NCOR1: variants seen among roughly 807,000 people sequenced by gnomAD.
The protein encoded by NCOR1 is protein phosphatase 1, regulatory subunit 109.
In NCOR1, 63 loss-of-function variants were observed where a neutral mutation model predicts 288.1. The observed-to-expected ratio is 0.22, with a 90% CI of 0.18 to 0.27. The LOEUF (loss-of-function observed/expected upper bound fraction) is 0.27. Ranked by LOEUF, NCOR1 falls within the 10% of genes least tolerant of loss-of-function variation. The pLI is 1.00. For synonymous variants in NCOR1, 1,007 were observed against 1,065.9 expected, an observed-to-expected ratio of 0.94 and a Z score of 1.08; for missense variants, 2,397 against 3,019.2, an observed-to-expected ratio of 0.79 and a Z score of 4.83.
intron 18 of NCOR1, among the ~76,000 whole-genome samples, chr17:16,113,296 C>T (rs1436915251): frequency 1.3e-5 from 2 of 152,084 alleles, no homozygotes; most frequent in Non-Finnish European, 2.9e-5. Flanking sequence ...CAACCTTCCC[C>T]TTTTGGAAAT....
intron 35 of NCOR1, among the ~76,000 whole-genome samples, chr17:16,063,077 A>G (rs2060709989): frequency 6.6e-6 from 1 of 152,132 alleles, no homozygotes; most frequent in South Asian, 2.1e-4. Flanking sequence ...ATGTTTTAGC[A>G]CACACCCCTC....
At chr17:16,142,672 A>G (rs1437809185) in intron 11 of NCOR1, among the ~76,000 whole-genome samples, 2 of 152,244 alleles carry the variant, frequency 1.3e-5, no homozygotes, top group East Asian at 1.9e-4. Flanking sequence ...ACTTTAGCTG[A>G]TCATAAATAT....
intron 5 of NCOR1, among the ~76,000 whole-genome samples, chr17:16,159,733 CAAGTATA>C (rs937283109): frequency 1.4e-4 from 21 of 152,002 alleles, no homozygotes; most frequent in African/African-American, 5.1e-4. Context: ...TTGGTGTGTG[CAAGTATA>C]AAGAAAAAGC....
Position 16,062,256 on chromosome 17 carries a change from C to T in NCOR1, c.5236G>A (p.Gly1746Ser), listed in dbSNP as rs771261718. Residue 1746 changes from glycine (G) to serine (S), a missense_variant, in exon 36 of 46, where the codon GGC becomes AGC. Coordinates refer to ENST00000268712, the MANE Select transcript of NCOR1 (RefSeq NM_006311.4). ...ACATATCCATGACTGCCAGGTCGGC[C>T]AGGCTGTTCTGAGCCTGCAGAGGTG... ...LYLRPGSEQP[G>S]RPGSHGYVRS... 3.1e-6 allele frequency: 5 copies of T among 1,607,188 alleles called. No individual in the cohort carries two copies. The highest frequency in any genetic ancestry group is 3.5e-5 in the Admixed American group (2 of 57,646).
intron 22 of NCOR1, among the ~76,000 whole-genome samples, chr17:16,091,101 A>G (rs1255759807): frequency 1.3e-5 from 2 of 152,330 alleles, no homozygotes; most frequent in East Asian, 3.9e-4. Flanking sequence ...AGTGTATCAC[A>G]CACCAACTAA....
chr17:16,186,662 G>T lies in NCOR1; in HGVS notation c.134C>A (p.Ser45Tyr). The T allele has an allele frequency of 6.2e-7, 1 of 1,613,490 alleles. No individual in the cohort carries two copies. The highest frequency in any genetic ancestry group is 8.5e-7 in the Non-Finnish European group (1 of 1,179,666). ...QQEFAVPDYR[S>Y]SHLEVSQASQ... ...TGCCTGACTCACTTCAAGATGAGAG[G>T]AACGATAATCAGGGACTGCGAACTC... Residue 45 changes from serine to tyrosine, a missense_variant, in exon 3 of 46, where the codon TCC becomes TAC. Physicochemically the swap from Ser to Tyr is moderately radical, Grantham distance 144. Around this residue, in one of 11 missense-constraint regions of NCOR1, gnomAD observed 55 missense variants for 69.6 expected, o/e 0.79. Coordinates refer to ENST00000268712, the MANE Select transcript of NCOR1 (RefSeq NM_006311.4).
intron 31 of NCOR1, among the ~76,000 whole-genome samples, chr17:16,069,488 A>C (rs1397461655): frequency 6.6e-6 from 1 of 152,208 alleles, no homozygotes; most frequent in African/African-American, 2.4e-5. Context: ...TGCATTTTTA[A>C]GGGCCTCAGG....
intron 35 of NCOR1, 110 bp from the exon 36 acceptor site, chr17:16,062,380 GAA>G: frequency 9.1e-7 from 1 of 1,099,238 alleles, no homozygotes; most frequent in Non-Finnish European, 1.2e-6. Flanking sequence ...ATAGAAAAAA[GAA>G]AAACAAGATA....
intron 19 of NCOR1, among the ~76,000 whole-genome samples, chr17:16,107,097 G>A (rs1405573480): frequency 2.6e-5 from 4 of 151,370 alleles, no homozygotes; most frequent in East Asian, 3.9e-4. Context: ...GGGTTTCACC[G>A]TGTTAGCCAG....
chr17:16,192,866 AG>A (rs2088808765), intron 2 of NCOR1, among the ~76,000 whole-genome samples: 1 of 152,216 alleles, frequency 6.6e-6, no homozygotes, highest in South Asian at 2.1e-4. Context: ...AACAATAAAA[AG>A]GAATGAACTA....
At chr17:16,162,740 AAG>A (rs1382528601) in intron 5 of NCOR1, among the ~76,000 whole-genome samples, 1 of 152,166 alleles carries the variant, frequency 6.6e-6, no homozygotes, top group Non-Finnish European at 1.5e-5. Context: ...TTTGCCAACT[AAG>A]AGACCTTCAC....
In NCOR1 at chr17:16,139,750, C is replaced by T. The variant is rs180956093; in HGVS notation, c.1174-564G>A. 2.6e-3 allele frequency among the ~76,000 whole-genome samples: 393 copies of T among 152,284 alleles called. 1 individual carries two copies. Among genetic ancestry groups the T allele is most frequent in the Middle Eastern group, 0.01 (3 of 294 alleles). On this transcript the variant is annotated intron_variant, in intron 11 of 45. Coordinates refer to ENST00000268712, the MANE Select transcript of NCOR1 (RefSeq NM_006311.4). ...AAGGTTGTTATTCTTAGAAATGAAG[C>T]TTGTTTCAACTAAAACTTTGTTACA...
chr17:16,092,117 TAAC>T, intron 21 of NCOR1, 59 bp from the exon 22 acceptor site: 1 of 1,562,138 alleles, frequency 6.4e-7, no homozygotes, highest in Middle Eastern at 1.7e-4. Flanking sequence ...TGCCATCTCT[TAAC>T]AAGTAATGTA....
At chr17:16,174,641 A>C (rs764157661) in intron 3 of NCOR1, among the ~76,000 whole-genome samples, 4 of 152,230 alleles carry the variant, frequency 2.6e-5, no homozygotes, top group Non-Finnish European at 4.4e-5. Context: ...AAATCTACTC[A>C]GCCATAAATA....
At chr17:16,091,434 G>C in intron 22 of NCOR1, 1 of 488,264 alleles carries the variant, frequency 2.0e-6, no homozygotes. Context: ...TGAAGGCTTA[G>C]CCAGCGTCTG....
chr17:16,036,608 G>A (rs1220110172), intron 44 of NCOR1, among the ~76,000 whole-genome samples: 4 of 152,208 alleles, frequency 2.6e-5, no homozygotes, highest in African/African-American at 9.7e-5. Flanking sequence ...ATCTTCATCA[G>A]CACTTTCTCC....
intron 21 of NCOR1, among the ~76,000 whole-genome samples, chr17:16,094,048 G>A (rs1177444716): frequency 6.6e-6 from 1 of 151,882 alleles, no homozygotes; most frequent in Non-Finnish European, 1.5e-5. Flanking sequence ...CAGGCGCATG[G>A]CACCATGCGG....
intron 18 of NCOR1, among the ~76,000 whole-genome samples, chr17:16,112,141 T>A (rs927953778): frequency 8.5e-5 from 13 of 152,194 alleles, no homozygotes; most frequent in Non-Finnish European, 1.9e-4. Context: ...AGTGCTGAGA[T>A]TACAGGCGTG....
At chr17:16,092,947 A>C (rs1171421302) in intron 21 of NCOR1, among the ~76,000 whole-genome samples, 1 of 150,412 alleles carries the variant, frequency 6.6e-6, no homozygotes, top group East Asian at 2.0e-4. Context: ...CAAGTGATCC[A>C]CTCACCTCAG....
Sources: allele counts gnomAD v4.1 joint callset (sites outside exome capture counted in the v4.1 genomes callset), GRCh38; gene constraint gnomAD v4.1.1; regional missense constraint gnomAD v4.1.1; transcripts MANE v1.5; gene names NCBI Gene and HGNC (gene_info 2026-07-23, HGNC 2026-07-21).